The following MAMDC2 variants were observed in gnomAD, a reference collection of about 807,000 sequenced individuals.
The protein encoded by MAMDC2 is MAM domain containing 2.
MAMDC2 carries 57 observed loss-of-function variants against 89.8 expected under a neutral mutation model. The observed-to-expected ratio is 0.63, with a 90% confidence interval of 0.51 to 0.79. The LOEUF (loss-of-function observed/expected upper bound fraction) is 0.79, where lower values mean the gene tolerates loss of function less well. MAMDC2 is among the 30% of genes least tolerant of loss of function. MAMDC2 has a pLI of 0.00. For synonymous variants in MAMDC2, 313 were observed against 293.4 expected (o/e 1.07, Z -0.68); for missense variants, 800 against 820.6 (o/e 0.97, Z 0.31).
At chr9:70,180,136 A>G (rs1253400724) in intron 11 of MAMDC2, among the ~76,000 whole-genome samples, 1 of 150,282 alleles carries the variant, frequency 6.7e-6, no homozygotes, top group Non-Finnish European at 1.5e-5. Context: ...TTCCTGTGTT[A>G]GTCTGCTGAG....
upstream of MAMDC2, chr9:70,043,629 G>A (rs1826657925): frequency 6.4e-6 from 1 of 155,212 alleles, no homozygotes; most frequent in African/African-American, 2.4e-5. Context: ...CTTTCATTCT[G>A]GGGAGAAGAA....
At chr9:70,103,872 A>G (rs771213541) in intron 2 of MAMDC2, among the ~76,000 whole-genome samples, 3 of 151,950 alleles carry the variant, frequency 2.0e-5, no homozygotes, top group African/African-American at 4.8e-5. Context: ...GTCCCAGCTA[A>G]TCAGGAGACT....
At chr9:70,199,902 G>A (rs1191982139) in intron 11 of MAMDC2, among the ~76,000 whole-genome samples, 1 of 151,328 alleles carries the variant, frequency 6.6e-6, no homozygotes, top group African/African-American at 2.4e-5. Flanking sequence ...GGGGTTGTTT[G>A]TTCTTTTCTT....
intron 11 of MAMDC2, among the ~76,000 whole-genome samples, chr9:70,192,966 G>A (rs1020323354): frequency 1.3e-4 from 20 of 152,204 alleles, no homozygotes; most frequent in Admixed American, 1.2e-3. Context: ...GACATCACCT[G>A]GAGGATGATG....
intron 11 of MAMDC2, among the ~76,000 whole-genome samples, chr9:70,211,137 C>T (rs1410670968): frequency 6.6e-5 from 10 of 152,220 alleles, no homozygotes; most frequent in South Asian, 2.1e-4. Flanking sequence ...ATCTTTGTGG[C>T]GTTCTCTGAA....
intron 2 of MAMDC2, among the ~76,000 whole-genome samples, chr9:70,046,372 C>A (rs1305047081): frequency 2.0e-5 from 3 of 152,220 alleles, no homozygotes; most frequent in Non-Finnish European, 2.9e-5. Flanking sequence ...ACTTGCAGGA[C>A]CCGAGAGTGA....
chr9:70,181,264 A>G (rs1036959331), intron 11 of MAMDC2, among the ~76,000 whole-genome samples: 1 of 152,176 alleles, frequency 6.6e-6, no homozygotes, highest in African/African-American at 2.4e-5. Context: ...GCCTTGTAGT[A>G]TAGTCTGAAG....
chr9:70,191,359 T>A (rs1330220718), intron 11 of MAMDC2, among the ~76,000 whole-genome samples: 3 of 151,098 alleles, frequency 2.0e-5, no homozygotes, highest in Non-Finnish European at 3.0e-5. Context: ...TTTTATCTAT[T>A]TTTTTAAACA....
At chr9:70,110,510 G>C (rs1336816953) in intron 4 of MAMDC2, among the ~76,000 whole-genome samples, 1 of 152,190 alleles carries the variant, frequency 6.6e-6, no homozygotes, top group African/African-American at 2.4e-5. Flanking sequence ...GGGTAGGAAG[G>C]CAAGGGTTCT....
At chr9:70,082,142 A>C (rs1827666495) in intron 2 of MAMDC2, 1 of 152,182 alleles carries the variant, frequency 6.6e-6, no homozygotes, top group African/African-American at 2.4e-5. Context: ...GCTTCTTGAT[A>C]CAGACTGTGA....
intron 9 of MAMDC2, among the ~76,000 whole-genome samples, chr9:70,164,191 T>C (rs1299097923): frequency 1.3e-5 from 2 of 152,166 alleles, no homozygotes; most frequent in Non-Finnish European, 2.9e-5. Context: ...CAGTTGCTGC[T>C]AAACATCCTA....
intron 2 of MAMDC2, among the ~76,000 whole-genome samples, chr9:70,091,528 TA>T: frequency 6.6e-6 from 1 of 152,326 alleles, no homozygotes; most frequent in East Asian, 1.9e-4. Flanking sequence ...AAAAATCAAA[TA>T]ATTTTTTTAG....
In MAMDC2 at chr9:70,223,715, T is replaced by C. The variant is rs145955589; in HGVS notation, c.1912-2035T>C. On this transcript the variant is annotated intron_variant, in intron 12 of 13. Coordinates refer to ENST00000377182, the MANE Select transcript of MAMDC2 (RefSeq NM_153267.5). ...ACACACTTTGGGAACCAAGGACATA[T>C]ATGATCTTATTTAATCCTACATTTG... is the stretch of plus-strand genomic sequence containing the variant. Among the ~76,000 whole-genome samples the C allele has an allele frequency of 5.7e-3, 864 of 152,352 alleles. 10 individuals are homozygous for C. Among genetic ancestry groups the C allele is most frequent in the African/African-American group, 0.02 (835 of 41,582 alleles).
At chr9:70,071,831 T>C (rs1469556799) in intron 2 of MAMDC2, 1 of 152,094 alleles carries the variant, frequency 6.6e-6, no homozygotes, top group Admixed American at 6.5e-5. Context: ...TACTTATGAA[T>C]AGATGAACAA....
At chr9:70,116,394 T>A (rs2029992104) in intron 5 of MAMDC2, among the ~76,000 whole-genome samples, 1 of 152,162 alleles carries the variant, frequency 6.6e-6, no homozygotes, top group Non-Finnish European at 1.5e-5. Flanking sequence ...TATATTTGTG[T>A]CCCTAGGGAT....
intron 11 of MAMDC2, among the ~76,000 whole-genome samples, chr9:70,194,857 G>C (rs918716250): frequency 2.0e-5 from 3 of 152,054 alleles, no homozygotes; most frequent in African/African-American, 7.2e-5. Flanking sequence ...AGTAAAATGA[G>C]TTAGTAGAAA....
chr9:70,097,876 C>A (rs141639914), intron 2 of MAMDC2, among the ~76,000 whole-genome samples: 279 of 152,190 alleles, frequency 1.8e-3, no homozygotes, highest in African/African-American at 6.5e-3. Flanking sequence ...TGAAAAATTT[C>A]TTGAATCTGT....
chr9:70,059,055 T>C (rs1235809163), intron 2 of MAMDC2, among the ~76,000 whole-genome samples: 1 of 152,204 alleles, frequency 6.6e-6, no homozygotes, highest in African/African-American at 2.4e-5. Context: ...TGGACTTGTT[T>C]TGAAAATGAG....
chr9:70,161,742 A>G (rs73647418), intron 9 of MAMDC2, among the ~76,000 whole-genome samples: 38 of 152,340 alleles, frequency 2.5e-4, no homozygotes, highest in African/African-American at 8.9e-4. Flanking sequence ...ATGCAATTAC[A>G]TCGTATAGTA....
Sources: gnomAD v4.1 joint callset for allele counts (sites outside exome capture counted in the v4.1 genomes callset) on GRCh38, gnomAD v4.1.1 for gene constraint, MANE v1.5 for transcripts, NCBI Gene and HGNC (gene_info 2026-07-23, HGNC 2026-07-21) for gene names.